The following ZNF207 variants were observed in gnomAD, a reference collection of about 807,000 sequenced individuals.
ZNF207 encodes the protein zinc finger protein 207.
In ZNF207, 24 loss-of-function variants were observed where a neutral mutation model predicts 60.2. The observed-to-expected ratio is 0.40, with a 90% CI of 0.29 to 0.56. The LOEUF is 0.56. Ranked by LOEUF, ZNF207 falls within the 20% of genes least tolerant of loss-of-function variation. The probability of loss-of-function intolerance (pLI) is 0.49; values close to 1 mark genes in which losing one functional copy is unlikely to be tolerated. For synonymous variants in ZNF207, 236 were observed against 194.7 expected (o/e 1.21, Z -1.77); for missense variants, 452 against 636.6 (o/e 0.71, Z 3.12).
chr17:32,360,177 C>CG (rs1234980936), intron 3 of ZNF207, among the ~76,000 whole-genome samples: 1 of 56,526 alleles, frequency 1.8e-5, no homozygotes, highest in African/African-American at 1.1e-4. Flanking sequence ...CTCACCTTTA[C>CG]CCCCCCCCCA....
At chr17:32,358,709 GC>G (rs1567817020) in intron 3 of ZNF207, 68 bp downstream of exon 3, 3 of 1,189,770 alleles carry the variant, frequency 2.5e-6, no homozygotes, top group Non-Finnish European at 1.1e-6. Context: ...TGAGACAGAG[GC>G]TTACTCTGTC....
rs925325882 is a variant in ZNF207 at position 32,379,238 on chromosome 17, T to G, written c.*9479T>G. The G allele has an allele frequency of 1.1e-4, 16 of 152,198 alleles. No homozygotes were observed. Among genetic ancestry groups the G allele is most frequent in the African/African-American group, 3.1e-4 (13 of 41,570 alleles). The allele number at this position is 152,198 out of a possible 1,614,324, so 9.4% of individuals were successfully genotyped here. ...GAGTACTGTTTTATACTTTTATATA[T>G]TATAATTTTATCTTCTAAAATTAAC... On this transcript the variant is annotated 3_prime_UTR_variant, in exon 12 of 12. Transcript: ENST00000394670.
At chr17:32,368,807 A>T (rs1376086769) in intron 10 of ZNF207, 1 of 153,994 alleles carries the variant, frequency 6.5e-6, no homozygotes, top group Non-Finnish European at 1.4e-5. Flanking sequence ...GGAGTTCGAG[A>T]CCAGCCTGAC....
intron 1 of ZNF207, chr17:32,351,439 T>G: frequency 2.2e-6 from 3 of 1,343,454 alleles, no homozygotes; most frequent in Non-Finnish European, 2.9e-6. Context: ...TAGGGATTTC[T>G]TAACTGAACT....
At chr17:32,357,344 TATTA>T (rs1195416080) in intron 2 of ZNF207, among the ~76,000 whole-genome samples, 1,330 of 78,670 alleles carry the variant, frequency 0.017, 40 homozygotes, top group Middle Eastern at 0.022. Flanking sequence ...TTATTATTAT[TATTA>T]TTATTTTTTT....
At chr17:32,358,961 G>A (rs1436971400) in intron 3 of ZNF207, among the ~76,000 whole-genome samples, 3 of 152,036 alleles carry the variant, frequency 2.0e-5, no homozygotes, top group South Asian at 2.1e-4. Flanking sequence ...TACCACGCCC[G>A]GCTAGTTTTT....
At chr17:32,367,165 C>A (rs1042284176) in intron 9 of ZNF207, among the ~76,000 whole-genome samples, 1 of 145,280 alleles carries the variant, frequency 6.9e-6, no homozygotes, top group Non-Finnish European at 1.5e-5. Context: ...TGATAACTTG[C>A]TACTTTAAAA....
Position 32,371,142 on chromosome 17 carries a change from T to C in ZNF207, c.*1383T>C, listed in dbSNP as rs1905446585. 1 of 152,218 alleles carries C rather than the reference T, an allele frequency of 6.6e-6. No individual in the cohort carries two copies. Among genetic ancestry groups the C allele is most frequent in the Admixed American group, 6.5e-5 (1 of 15,284 alleles). The allele number at this position is 152,218 out of a possible 1,614,324, so 9.4% of individuals were successfully genotyped here. On this transcript the variant is annotated 3_prime_UTR_variant, in exon 12 of 12. Transcript: ENST00000394670. ...TTTGGGATCTGTTTTTCTGATCTTT[T>C]GCAGGGTAGTTTTATGATTTTTTAG...
chr17:32,359,893 A>G (rs983027172), intron 3 of ZNF207, among the ~76,000 whole-genome samples: 1 of 152,114 alleles, frequency 6.6e-6, no homozygotes, highest in African/African-American at 2.4e-5. Context: ...ATTTAGATAA[A>G]TCGATTGATT....
intron 6 of ZNF207, among the ~76,000 whole-genome samples, chr17:32,362,062 A>G (rs1167747846): frequency 6.6e-6 from 1 of 152,030 alleles, no homozygotes; most frequent in African/African-American, 2.4e-5. Context: ...TATTGTAAAT[A>G]GGCCATCTGG....
In ZNF207 at chr17:32,357,341, TATTA is replaced by T. The variant is rs1315835076; in HGVS notation, c.169-1161_169-1158del. Among the ~76,000 whole-genome samples, 150 of 83,210 alleles carry T rather than the reference TATTA, an allele frequency of 1.8e-3. 1 individual carries two copies. The highest frequency in any genetic ancestry group is 2.3e-3 in the African/African-American group (42 of 18,436). The allele number at this position is 83,210 out of a possible 152,430, so 54.6% of individuals were successfully genotyped here. On this transcript the variant is annotated intron_variant, in intron 2 of 11. Coordinates refer to ENST00000394670, the MANE Select transcript of ZNF207 (RefSeq NM_001098507.2). ...TTATTATTATTATTATTATTATTATTATTATTATTATTTTTTTTTTTTTTTGAGA... is the reference window on the plus strand; with the variant it reads ...TTATTATTATTATTATTATTATTATTTTATTATTTTTTTTTTTTTTTGAGA...
At chr17:32,363,818 A>G (rs148920391) in intron 7 of ZNF207, among the ~76,000 whole-genome samples, 14,340 of 152,130 alleles carry the variant, frequency 0.094, 940 homozygotes, top group Non-Finnish European at 0.14. Context: ...GGCGTGAGCC[A>G]CTGTGCCCAG....
At chr17:32,351,552 A>G (rs1454175945) in intron 1 of ZNF207, 1 of 1,530,650 alleles carries the variant, frequency 6.5e-7, no homozygotes, top group African/African-American at 1.4e-5. Flanking sequence ...TATATTGCTG[A>G]TTATTGAGAT....
chr17:32,351,442 A>G (rs1275743022), intron 1 of ZNF207: 1 of 1,350,432 alleles, frequency 7.4e-7, no homozygotes, highest in Admixed American at 3.1e-5. Context: ...GGATTTCTTA[A>G]CTGAACTCTT....
At chr17:32,357,582 C>T (rs751247966) in intron 2 of ZNF207, among the ~76,000 whole-genome samples, 19 of 151,622 alleles carry the variant, frequency 1.3e-4, no homozygotes, top group South Asian at 4.2e-4. Context: ...CTCTTGACCT[C>T]GTGATCCGCC....
chr17:32,367,239 TTATATATATATATATATATA>T (rs10525886), intron 9 of ZNF207, among the ~76,000 whole-genome samples: 40 of 32,190 alleles, frequency 1.2e-3, no homozygotes, highest in East Asian at 0.011. Flanking sequence ...TTGGAGGGGA[TTATATATATATATATATATA>T]TATATATATA....
intron 3 of ZNF207, 22 bp from the exon 4 acceptor site, chr17:32,360,567 CTCTATGGAA>C (rs766075777): frequency 6.4e-7 from 1 of 1,562,580 alleles, no homozygotes; most frequent in South Asian, 1.2e-5. Flanking sequence ...TTAGTTTTTA[CTCTATGGAA>C]ATAATTTTTT....
chr17:32,368,028 A>C lies in ZNF207; in HGVS notation c.1164+14A>C, dbSNP rs1442402068. ...GATATATCCCTGGTAAGTTGCTTTT[A>C]GTTTTCTACGAGCAGCATTTGATTT... is the stretch of plus-strand genomic sequence containing the variant. On this transcript the variant is annotated intron_variant, in intron 10 of 11. Transcript: ENST00000394670. 2 of 1,612,818 alleles carry C rather than the reference A, an allele frequency of 1.2e-6. No homozygotes were observed. Among genetic ancestry groups the C allele is most frequent in the East Asian group, 2.2e-5 (1 of 44,838 alleles).
chr17:32,353,017 T>C (rs1481576405), intron 2 of ZNF207, among the ~76,000 whole-genome samples: 1 of 152,100 alleles, frequency 6.6e-6, no homozygotes, highest in Non-Finnish European at 1.5e-5. Context: ...CTACTAAAGA[T>C]ACAAAAATTA....
Sources: gnomAD v4.1 joint callset for allele counts (sites outside exome capture counted in the v4.1 genomes callset) on GRCh38, gnomAD v4.1.1 for gene constraint, MANE v1.5 for transcripts, NCBI Gene and HGNC (gene_info 2026-07-23, HGNC 2026-07-21) for gene names.